Variants in SAE1 observed in about 807,000 individuals in gnomAD.
SAE1 encodes SUMO1 activating enzyme subunit 1.
A neutral mutation model predicts 40.6 loss-of-function variants in SAE1; 11 were observed. The ratio of observed to expected loss-of-function variants is 0.27; its 90% confidence interval spans 0.17 to 0.45. The LOEUF (loss-of-function observed/expected upper bound fraction) is 0.45. Among genes scored for constraint, SAE1 ranks in the 20% least tolerant of loss-of-function variants. The pLI is 1.00. For missense variants in SAE1, 373 were observed against 427.3 expected, an observed-to-expected ratio of 0.87 and a Z score of 1.12; for synonymous variants, 155 against 154.3, an observed-to-expected ratio of 1.00 and a Z score of -0.03.
intron 6 of SAE1, among the ~76,000 whole-genome samples, chr19:47,195,425 C>T (rs1400105687): frequency 6.6e-6 from 1 of 152,186 alleles, no homozygotes; most frequent in Non-Finnish European, 1.5e-5. Context: ...TCTTCTTACA[C>T]AGTAGTTCTG....
At chr19:47,142,245 G>A (rs917597025) in intron 1 of SAE1, among the ~76,000 whole-genome samples, 5 of 151,882 alleles carry the variant, frequency 3.3e-5, no homozygotes, top group Non-Finnish European at 7.4e-5. Flanking sequence ...CTAGCCAGGC[G>A]TGACAGTAGG....
chr19:47,182,214 C>CG (rs780639055), intron 6 of SAE1, among the ~76,000 whole-genome samples: 1 of 152,066 alleles, frequency 6.6e-6, no homozygotes, highest in Admixed American at 6.6e-5. Context: ...GTGATTAGTT[C>CG]TCTTCAGAAG....
chr19:47,131,133 G>T (rs2058139444), intron 1 of SAE1, 105 bp downstream of exon 1: 1 of 1,438,306 alleles, frequency 7.0e-7, no homozygotes, highest in South Asian at 1.5e-5. Flanking sequence ...AAGGGAGGAG[G>T]CGGGAATTCT....
At chr19:47,149,547 T>C in intron 2 of SAE1, among the ~76,000 whole-genome samples, 1 of 152,156 alleles carries the variant, frequency 6.6e-6, no homozygotes, top group Non-Finnish European at 1.5e-5. Flanking sequence ...CCCAAATGCT[T>C]ATAGTTGGGC....
chr19:47,201,617 T>A (rs2058655975), intron 7 of SAE1, among the ~76,000 whole-genome samples: 5 of 150,956 alleles, frequency 3.3e-5, no homozygotes, highest in Non-Finnish European at 5.9e-5. Flanking sequence ...CAAAATGAGA[T>A]TCTACCAGCA....
At chr19:47,134,423 A>G (rs1035751465) in intron 1 of SAE1, among the ~76,000 whole-genome samples, 1 of 152,056 alleles carries the variant, frequency 6.6e-6, no homozygotes, top group Admixed American at 6.6e-5. Context: ...GGATGTCATC[A>G]TGAGGCATTA....
intron 6 of SAE1, among the ~76,000 whole-genome samples, chr19:47,186,943 C>T (rs1409920263): frequency 6.6e-6 from 1 of 152,138 alleles, no homozygotes; most frequent in African/African-American, 2.4e-5. Flanking sequence ...ACTGTGAGCT[C>T]CGCGTGTGAG....
At chr19:47,158,746 TGTC>T (rs2058339281) in intron 5 of SAE1, among the ~76,000 whole-genome samples, 1 of 152,218 alleles carries the variant, frequency 6.6e-6, no homozygotes, top group South Asian at 2.1e-4. Flanking sequence ...CCAGTCTTGT[TGTC>T]CCCATCTATA....
At chr19:47,179,487 A>T (rs2123273940) in intron 6 of SAE1, among the ~76,000 whole-genome samples, 1 of 151,888 alleles carries the variant, frequency 6.6e-6, no homozygotes, top group South Asian at 2.1e-4. Context: ...AGCCTGGGTG[A>T]CAGAGCATCT....
Position 47,177,369 on chromosome 19 carries a change from T to C in SAE1, c.733+7446T>C, listed in dbSNP as rs184287593. Among the ~76,000 whole-genome samples the C allele has an allele frequency of 6.0e-3, 916 of 152,106 alleles. 11 individuals carry two copies. Among genetic ancestry groups the C allele is most frequent in the African/African-American group, 0.02 (838 of 41,500 alleles). ...GTTCCTGGTTTTTGTTTGTTTTTTT[T>C]CCCCCCCAAAACAGGGTCTTGCTCT... is the stretch of plus-strand genomic sequence containing the variant. On this transcript the variant is annotated intron_variant, in intron 6 of 8. Coordinates refer to ENST00000270225, the MANE Select transcript of SAE1 (RefSeq NM_005500.3).
intron 7 of SAE1, among the ~76,000 whole-genome samples, chr19:47,201,360 CTTTTTTTTTTTTTTTTT>C (rs57568797): frequency 6.0e-5 from 4 of 66,230 alleles, no homozygotes; most frequent in African/African-American, 2.0e-4. Flanking sequence ...TATCTGGTTC[CTTTTTTTTTTTTTTTTT>C]TTTTTTTTTT....
intron 6 of SAE1, among the ~76,000 whole-genome samples, chr19:47,182,513 G>A (rs891597981): frequency 3.3e-5 from 5 of 151,158 alleles, no homozygotes; most frequent in African/African-American, 9.7e-5. Context: ...ACGCACGCGC[G>A]CGCGCACACC....
At chr19:47,152,758 GC>G (rs2123212319) in intron 3 of SAE1, 139 bp from the exon 4 acceptor site, 2 of 698,764 alleles carry the variant, frequency 2.9e-6, no homozygotes, top group South Asian at 5.5e-5. Flanking sequence ...TAGCCATAGG[GC>G]CCAAAGAACC....
intron 6 of SAE1, among the ~76,000 whole-genome samples, chr19:47,192,234 T>TTTGTTG (rs754878820): frequency 1.3e-5 from 2 of 151,344 alleles, no homozygotes; most frequent in Non-Finnish European, 2.9e-5. Flanking sequence ...TTCCTACTGG[T>TTTGTTG]TTGTTGTTGT....
intron 5 of SAE1, among the ~76,000 whole-genome samples, chr19:47,167,782 AG>A (rs1211404256): frequency 6.6e-6 from 1 of 152,072 alleles, no homozygotes; most frequent in African/African-American, 2.4e-5. Flanking sequence ...TTTAAAATAT[AG>A]AGACACAGAG....
chr19:47,208,716 C>T (rs1182786811), intron 8 of SAE1, among the ~76,000 whole-genome samples: 2 of 152,076 alleles, frequency 1.3e-5, no homozygotes, highest in African/African-American at 2.4e-5. Context: ...TGAGCCACTG[C>T]GCCCCACCTA....
At chr19:47,191,174 G>A (rs879424229) in intron 6 of SAE1, among the ~76,000 whole-genome samples, 1 of 152,128 alleles carries the variant, frequency 6.6e-6, no homozygotes, top group Admixed American at 6.6e-5. Context: ...ACTTTGGGAG[G>A]CTGAGGCAGG....
At chr19:47,166,285 G>A (rs958135433) in intron 5 of SAE1, among the ~76,000 whole-genome samples, 1 of 152,142 alleles carries the variant, frequency 6.6e-6, no homozygotes, top group African/African-American at 2.4e-5. Context: ...ACGGATGGGG[G>A]CCAGCTTTCC....
At chr19:47,194,937 G>A (rs1234444960) in intron 6 of SAE1, among the ~76,000 whole-genome samples, 1 of 151,232 alleles carries the variant, frequency 6.6e-6, no homozygotes, top group East Asian at 1.9e-4. Context: ...TAGAGACGGG[G>A]TTTCACCATG....
Sources: gnomAD v4.1 joint callset for allele counts (sites outside exome capture counted in the v4.1 genomes callset) on GRCh38, gnomAD v4.1.1 for gene constraint, MANE v1.5 for transcripts, NCBI Gene and HGNC (gene_info 2026-07-23, HGNC 2026-07-21) for gene names.